Variants in LTBP1 observed in about 807,000 individuals in gnomAD.
LTBP1 encodes latent-transforming growth factor beta-binding protein 1.
A neutral mutation model predicts 207.6 loss-of-function variants in LTBP1; 129 were observed. That is an observed-to-expected ratio of 0.62 (90% CI 0.54 to 0.72). LTBP1 has a LOEUF of 0.72. Among genes scored for constraint, LTBP1 ranks in the 30% least tolerant of loss-of-function variants. LTBP1 has a pLI of 0.00. For missense variants in LTBP1, 2,281 were observed against 2,217.2 expected (o/e 1.03, Z -0.58); for synonymous variants, 963 against 833.7 (o/e 1.16, Z -2.67).
intron 3 of LTBP1, among the ~76,000 whole-genome samples, chr2:33,093,320 GT>G (rs928047107): frequency 1.3e-5 from 2 of 151,946 alleles, no homozygotes; most frequent in Admixed American, 1.3e-4. Context: ...CCTCCATATT[GT>G]TTTCCCCTGC....
chr2:33,152,996 A>G (rs1318663614), intron 5 of LTBP1, among the ~76,000 whole-genome samples: 1 of 152,236 alleles, frequency 6.6e-6, no homozygotes, highest in East Asian at 1.9e-4. Flanking sequence ...GTAGATGTTC[A>G]AGATCCTTTG....
At chr2:33,138,290 C>T (rs1447465655) in intron 5 of LTBP1, among the ~76,000 whole-genome samples, 2 of 152,156 alleles carry the variant, frequency 1.3e-5, no homozygotes, top group Non-Finnish European at 2.9e-5. Context: ...CTGCTTAATG[C>T]AACTCTAAAA....
chr2:33,279,604 G>A (rs1335557947), intron 18 of LTBP1, among the ~76,000 whole-genome samples: 1 of 152,076 alleles, frequency 6.6e-6, no homozygotes, highest in African/African-American at 2.4e-5. Flanking sequence ...TGAAGCCAAA[G>A]TGAGAATTTC....
intron 7 of LTBP1, among the ~76,000 whole-genome samples, chr2:33,217,279 A>AT (rs2090785017): frequency 6.6e-6 from 1 of 152,228 alleles, no homozygotes. Context: ...GGCATTGGAA[A>AT]TTTAAGTTTT....
At chr2:33,227,090 C>T (rs1202992942) in intron 9 of LTBP1, among the ~76,000 whole-genome samples, 1 of 151,322 alleles carries the variant, frequency 6.6e-6, no homozygotes, top group Non-Finnish European at 1.5e-5. Context: ...GACTGGAGTG[C>T]AGTGGCATGA....
chr2:33,370,837 T>A (rs1468307056), intron 31 of LTBP1, among the ~76,000 whole-genome samples: 1 of 152,100 alleles, frequency 6.6e-6, no homozygotes, highest in Non-Finnish European at 1.5e-5. Flanking sequence ...CTGGAGGAAT[T>A]TAAGGAATAA....
intron 5 of LTBP1, among the ~76,000 whole-genome samples, chr2:33,175,606 G>C (rs1318187577): frequency 6.6e-6 from 1 of 152,166 alleles, no homozygotes; most frequent in Non-Finnish European, 1.5e-5. Flanking sequence ...CACTTCCTCA[G>C]GGATCTAGAA....
At chr2:33,279,645 C>G (rs2093518241) in intron 18 of LTBP1, among the ~76,000 whole-genome samples, 1 of 152,144 alleles carries the variant, frequency 6.6e-6, no homozygotes, top group South Asian at 2.1e-4. Flanking sequence ...CAGAGAGAAC[C>G]TCTAGCTGGG....
chr2:33,170,544 G>A (rs2085339166), intron 5 of LTBP1, among the ~76,000 whole-genome samples: 1 of 152,218 alleles, frequency 6.6e-6, no homozygotes. Context: ...AAGGAGGCCT[G>A]CCTGCCTGCC....
intron 11 of LTBP1, among the ~76,000 whole-genome samples, chr2:33,254,852 G>GTTTTTTTTTTTTTTTTTTTTTTTTTTTGT (rs2092795250): frequency 9.6e-5 from 1 of 10,366 alleles, no homozygotes; most frequent in Non-Finnish European, 1.5e-4. Flanking sequence ...GCGGTGTTTG[G>GTTTTTTTTTTTTTTTTTTTTTTTTTTTGT]TTTTTTTTTT....
intron 2 of LTBP1, among the ~76,000 whole-genome samples, chr2:32,968,048 AC>A (rs1680259727): frequency 6.6e-6 from 1 of 151,994 alleles, no homozygotes; most frequent in Non-Finnish European, 1.5e-5. Context: ...ACTCACTGCA[AC>A]CTCTGTCTCC....
intron 5 of LTBP1, among the ~76,000 whole-genome samples, chr2:33,137,941 T>A (rs766668010): frequency 3.1e-4 from 47 of 152,138 alleles, no homozygotes; most frequent in Non-Finnish European, 5.7e-4. Context: ...TTGTGTCTTG[T>A]GGGAAGGCTG....
chr2:33,270,641 A>G (rs1031986869), intron 15 of LTBP1, among the ~76,000 whole-genome samples: 2 of 151,804 alleles, frequency 1.3e-5, no homozygotes, highest in Admixed American at 1.3e-4. Context: ...AAAGGATGGA[A>G]GGGATCTCTG....
At chr2:33,375,456 C>T (rs2095125820) in intron 31 of LTBP1, among the ~76,000 whole-genome samples, 1 of 152,114 alleles carries the variant, frequency 6.6e-6, no homozygotes, top group African/African-American at 2.4e-5. Context: ...CGGCCAGGCT[C>T]CTACAGTGTA....
chr2:33,164,107 T>A (rs1386212174), intron 5 of LTBP1, among the ~76,000 whole-genome samples: 1 of 151,858 alleles, frequency 6.6e-6, no homozygotes, highest in East Asian at 1.9e-4. Flanking sequence ...TCCCAGCACT[T>A]TGGGAGGCTG....
At chr2:33,319,736 C>CATGAT (rs1224200482) in intron 24 of LTBP1, among the ~76,000 whole-genome samples, 1 of 152,156 alleles carries the variant, frequency 6.6e-6, no homozygotes, top group African/African-American at 2.4e-5. Flanking sequence ...ATCCTGTTCA[C>CATGAT]ATGATACAGC....
intron 3 of LTBP1, among the ~76,000 whole-genome samples, chr2:33,031,261 G>A (rs534473479): frequency 3.2e-4 from 49 of 152,226 alleles, no homozygotes; most frequent in African/African-American, 1.2e-3. Context: ...GACATAAATC[G>A]TAATATACTA....
At chr2:33,312,371 C>T (rs2094200464) in intron 23 of LTBP1, among the ~76,000 whole-genome samples, 1 of 152,098 alleles carries the variant, frequency 6.6e-6, no homozygotes, top group Non-Finnish European at 1.5e-5. Flanking sequence ...ATTTTCTTTC[C>T]CATACAAAAC....
intron 19 of LTBP1, among the ~76,000 whole-genome samples, chr2:33,281,200 T>C (rs2148572180): frequency 6.6e-6 from 1 of 152,290 alleles, no homozygotes; most frequent in South Asian, 2.1e-4. Flanking sequence ...GAGACTGACA[T>C]GCACTCAAAC....
Sources: allele counts gnomAD v4.1 joint callset (sites outside exome capture counted in the v4.1 genomes callset), GRCh38; gene constraint gnomAD v4.1.1; transcripts MANE v1.5; gene names NCBI Gene and HGNC (gene_info 2026-07-23, HGNC 2026-07-21).